The following ZNF219 variants were observed in gnomAD, a reference collection of about 807,000 sequenced individuals.
ZNF219 encodes zinc finger protein 219.
In ZNF219, 17 loss-of-function variants were observed where a neutral mutation model predicts 54.4. That is an observed-to-expected ratio of 0.31 (90% CI 0.21 to 0.47). The LOEUF (loss-of-function observed/expected upper bound fraction) is 0.47, where lower values mean the gene tolerates loss of function less well. ZNF219 is among the 20% of genes least tolerant of loss of function. The probability of loss-of-function intolerance (pLI) is 1.00; values close to 1 mark genes in which losing one functional copy is unlikely to be tolerated. For synonymous variants in ZNF219, 518 were observed against 476.4 expected, an observed-to-expected ratio of 1.09 and a Z score of -1.14; for missense variants, 1,014 against 1,062.3, an observed-to-expected ratio of 0.95 and a Z score of 0.63.
At chr14:21,091,804 TGGC>T in intron 3 of ZNF219, 58 bp downstream of exon 3, 14 of 1,473,870 alleles carry the variant, frequency 9.5e-6, no homozygotes, top group Admixed American at 2.4e-5. Context: ...TACGAGGGAG[TGGC>T]GGCGTAAGAG....
At chr14:21,093,812 G>A (rs572258056) in intron 1 of ZNF219, 138 bp from the exon 2 acceptor site, 5 of 743,480 alleles carry the variant, frequency 6.7e-6, no homozygotes, top group Non-Finnish European at 1.1e-5. Flanking sequence ...AGGCACGAAG[G>A]GGCTGCTATA....
chr14:21,092,599 TGAGGCTGAGGCTGAGGCG>T lies in ZNF219; in HGVS notation c.680_697del (p.Pro227_Pro232del). On this transcript the variant is annotated inframe_deletion, in exon 3 of 5. Transcript: ENST00000360947. The stretch of plus-strand genomic sequence containing the variant: ...TCTGGGTTCGGGCTGGGGTGGAGGC[TGAGGCTGAGGCTGAGGCG>T]GAGGCGCAGCGGAGGTGGCCGCCAG... The T allele has an allele frequency of 1.0e-6, 1 of 991,084 alleles. No individual in the cohort carries two copies. The allele number at this position is 991,084 out of a possible 1,614,324, so 61.4% of individuals were successfully genotyped here. A position where few individuals can be genotyped will look rare whatever the true frequency, so the allele number is the denominator to read the frequency against.
chr14:21,102,265 A>C (rs1025861656), upstream of ZNF219: 156 of 1,407,860 alleles, frequency 1.1e-4, no homozygotes, highest in Non-Finnish European at 1.5e-4. Flanking sequence ...GGAGGAAAGC[A>C]AAAAAGTTAA....
At position 21,090,869 on chromosome 14, in the gene ZNF219, A is replaced by G; in HGVS notation, c.1836T>C (p.Pro612=). 6.4e-7 allele frequency: 1 copy of G among 1,553,662 alleles called. No homozygotes were observed. The highest frequency in any genetic ancestry group is 8.7e-7 in the Non-Finnish European group (1 of 1,150,464). The change falls in exon 5 of 5, where the codon CCT becomes CCC. Residue 612 remains proline, a synonymous_variant. Coordinates refer to ENST00000360947, the MANE Select transcript of ZNF219 (RefSeq NM_016423.3). The surrounding 1 kb of genome is among the most constrained non-coding windows in gnomAD (Gnocchi z 4.4). ...GPGSRRKPAS[P]GRTLRNGRGG... is the part of the protein sequence containing the mutation. ...CTCGCCCGTTGCGCAGGGTCCTCCC[A>G]GGGCTGGCGGGCTTCCGACGGGACC...
In ZNF219 at chr14:21,091,407, T is replaced by G; in HGVS notation, c.1564+4A>C. ...CTCTCCACGCCGGAGGCTGCCTCCC[T>G]CACCTGTGTGCACTCGCAGATGCAC... On this transcript the variant is annotated splice_donor_region_variant and intron_variant, in intron 4 of 4. Transcript: ENST00000360947. The G allele has an allele frequency of 6.3e-7, 1 of 1,590,360 alleles. No homozygotes were observed. Among genetic ancestry groups the G allele is most frequent in the Non-Finnish European group, 8.6e-7 (1 of 1,160,712 alleles).
chr14:21,092,823 A>T lies in ZNF219; in HGVS notation c.474T>A (p.Pro158=). The change falls in exon 3 of 5, where the codon CCT becomes CCA. Residue 158 remains proline, a synonymous_variant. Transcript: ENST00000360947. ...AGGGGCAACGGAAGGCGGACGATGA[A>T]GGAGCCTGGGGCCGCGCCAGACCCT... ...ATEGLARPQA[P]SSSAFRCPYC... The T allele has an allele frequency of 6.3e-7, 1 of 1,576,726 alleles. No individual in the cohort carries two copies.
intron 4 of ZNF219, 41 bp downstream of exon 4, chr14:21,091,370 G>T: frequency 6.4e-7 from 1 of 1,570,072 alleles, no homozygotes; most frequent in African/African-American, 1.4e-5. Flanking sequence ...CTTTCTGCCC[G>T]CCCCCAGTCC....
chr14:21,092,019 A>T lies in ZNF219; in HGVS notation c.1278T>A (p.Pro426=), dbSNP rs773391416. 1.9e-6 allele frequency: 3 copies of T among 1,553,096 alleles called. No individual in the cohort carries two copies. Among genetic ancestry groups the T allele is most frequent in the Non-Finnish European group, 2.6e-6 (3 of 1,148,724 alleles). The change falls in exon 3 of 5, where the codon CCT becomes CCA. Residue 426 remains proline (P), a synonymous_variant. Coordinates refer to ENST00000360947, the MANE Select transcript of ZNF219 (RefSeq NM_016423.3). ...CCTCCACCACCTCCTCTTCTTCCTC[A>T]GGCTCCTCCGCACGGTGCCGGCGAG... ...ARARRHRAEE[P]EEEEEVVEAE... is the part of the protein sequence containing the mutation.
Position 21,091,945 on chromosome 14 carries a change from G to A in ZNF219, c.1352C>T (p.Ser451Phe). The A allele has an allele frequency of 1.2e-6, 2 of 1,602,180 alleles. No homozygotes were observed. The highest frequency in any genetic ancestry group is 1.7e-6 in the Non-Finnish European group (2 of 1,175,478). ...TCCCTCACCCGGGCGCGGGTGCAGG[G>A]AAGCCAGAGAGCCCAGCGACCTGCC... ...ARGRSLGSLA[S>F]LHPRPGEGPG... Residue 451 changes from serine to phenylalanine, a missense_variant, in exon 3 of 5, where the codon TCC (serine) becomes TTC (phenylalanine). By Grantham distance (155) the Ser-to-Phe change is radical. Around this residue, in one of 5 missense-constraint regions of ZNF219, gnomAD observed 272 missense variants for 248.9 expected, o/e 1.09. Transcript: ENST00000360947.
In ZNF219 at chr14:21,090,201, C is replaced by A. The variant is rs1888711249; in HGVS notation, c.*335G>T. 1.8e-6 allele frequency: 1 copy of A among 563,482 alleles called. No individual in the cohort carries two copies. Among genetic ancestry groups the A allele is most frequent in the Admixed American group, 2.2e-5 (1 of 45,566 alleles). 34.9% of individuals were successfully genotyped at this position (563,482 alleles called of 1,614,324 possible). Reference sequence around the variant, plus strand: ...GCTAGAAGGGTACAGTGCCCCCCACCCTCACCCCTTGTACAAAAATAAACT... The same window carrying A: ...GCTAGAAGGGTACAGTGCCCCCCACACTCACCCCTTGTACAAAAATAAACT... On this transcript the variant is annotated 3_prime_UTR_variant, in exon 5 of 5. Coordinates refer to ENST00000360947, the MANE Select transcript of ZNF219 (RefSeq NM_016423.3). The surrounding 1 kb of genome is among the most constrained non-coding windows in gnomAD (Gnocchi z 4.4).
upstream of ZNF219, among the ~76,000 whole-genome samples, chr14:21,100,088 C>T (rs1889538237): frequency 1.3e-5 from 2 of 152,142 alleles, no homozygotes; most frequent in African/African-American, 2.4e-5. Flanking sequence ...TCAGGACAGA[C>T]ACAGTGGCCC....
chr14:21,102,450 T>G, upstream of ZNF219: 2 of 1,551,656 alleles, frequency 1.3e-6, no homozygotes, highest in Non-Finnish European at 1.7e-6. Flanking sequence ...GATCTTGGGT[T>G]TCATAGTGGT....
intron 1 of ZNF219, chr14:21,094,304 G>C: frequency 2.2e-6 from 1 of 449,606 alleles, no homozygotes; most frequent in East Asian, 7.0e-5. Context: ...GGGAGCCAGA[G>C]GGAGAGGGAA....
exon 1 of ZNF219, chr14:21,104,688 A>C (rs1889840140): frequency 6.6e-6 from 1 of 152,298 alleles, no homozygotes; most frequent in Admixed American, 6.5e-5. Context: ...CGTCCGCTGC[A>C]GCTCTTTTCT....
upstream of ZNF219, chr14:21,101,096 G>T (rs1036001460): frequency 8.3e-5 from 30 of 362,510 alleles, no homozygotes; most frequent in African/African-American, 5.8e-4. Context: ...GCCAGGACAA[G>T]TTTGTCGTCT....
intron 1 of ZNF219, among the ~76,000 whole-genome samples, chr14:21,095,341 C>T (rs1462336361): frequency 6.6e-6 from 1 of 152,172 alleles, no homozygotes; most frequent in Non-Finnish European, 1.5e-5. Flanking sequence ...GGACTAAGAG[C>T]CTAGCCAGGC....
rs1412278700 is a variant in ZNF219, at chr14:21,092,103, G to A, written c.1194C>T (p.Pro398=). 9.8e-6 allele frequency: 15 copies of A among 1,532,650 alleles called. No homozygotes were observed. The highest frequency in any genetic ancestry group is 1.2e-5 in the Non-Finnish European group (14 of 1,140,704). 94.9% of individuals were successfully genotyped at this position (1,532,650 alleles called of 1,614,324 possible). Residue 398 remains proline, a synonymous_variant, in exon 3 of 5, where the codon CCC becomes CCT. Coordinates refer to ENST00000360947, the MANE Select transcript of ZNF219 (RefSeq NM_016423.3). ...AGCCTCCGAAGCTGCGGCCGGGACC[G>A]GGCTCAGCACCCTCGCCGTTGGGCC... is the stretch of plus-strand genomic sequence containing the variant. ...EGRPNGEGAE[P]GPGRSFGGFR...
intron 1 of ZNF219, among the ~76,000 whole-genome samples, chr14:21,096,838 C>A (rs1240576712): frequency 1.3e-5 from 2 of 152,190 alleles, no homozygotes; most frequent in East Asian, 3.8e-4. Flanking sequence ...GAAGTATTTG[C>A]TAAATGGACC....
chr14:21,102,748 G>T, upstream of ZNF219: 1 of 1,550,956 alleles, frequency 6.4e-7, no homozygotes. Flanking sequence ...TGCTGCAGGA[G>T]CCAGAGTCTG....
Sources: allele counts gnomAD v4.1 joint callset (sites outside exome capture counted in the v4.1 genomes callset), GRCh38; gene constraint gnomAD v4.1.1; regional missense constraint gnomAD v4.1.1; non-coding constraint Gnocchi (gnomAD v3.1); transcripts MANE v1.5; gene names NCBI Gene and HGNC (gene_info 2026-07-23, HGNC 2026-07-21).